The following CCDC191 variants were observed in gnomAD, a reference collection of about 807,000 sequenced individuals.
The protein encoded by CCDC191 is coiled-coil domain containing 191.
A neutral mutation model predicts 114.0 loss-of-function variants in CCDC191; 99 were observed. That is an observed-to-expected ratio of 0.87 (90% CI 0.74 to 1.03). CCDC191 has a LOEUF of 1.03. CCDC191 is among the 50% of genes least tolerant of loss of function. The pLI is 0.00. For synonymous variants in CCDC191, 351 were observed against 376.0 expected (o/e 0.93, Z 0.77); for missense variants, 973 against 1,087.0 (o/e 0.90, Z 1.47).
intron 9 of CCDC191, 121 bp from the exon 10 acceptor site, chr3:114,006,083 G>A (rs1032714526): frequency 1.1e-6 from 1 of 900,598 alleles, no homozygotes; most frequent in Admixed American, 2.0e-5. Context: ...GCAGGTAAAG[G>A]TGGTCTGTGC....
chr3:114,039,153 CT>C (rs2076527694), intron 4 of CCDC191, among the ~76,000 whole-genome samples: 1 of 151,882 alleles, frequency 6.6e-6, no homozygotes, highest in African/African-American at 2.4e-5. Context: ...AACTATGTTA[CT>C]GGTTTATGTA....
chr3:113,976,069 C>A (rs952855688), intron 16 of CCDC191, among the ~76,000 whole-genome samples: 2 of 151,500 alleles, frequency 1.3e-5, no homozygotes, highest in African/African-American at 4.8e-5. Flanking sequence ...TCAGCCTGGG[C>A]AGCATGGTAA....
chr3:114,018,877 G>A lies in CCDC191; in HGVS notation c.973-9C>T. 1 of 1,612,060 alleles carries A rather than the reference G, an allele frequency of 6.2e-7. No homozygotes were observed. Among genetic ancestry groups the A allele is most frequent in the Non-Finnish European group, 8.5e-7 (1 of 1,178,870 alleles). The stretch of plus-strand genomic sequence containing the variant: ...AAATACCGTTTTTGACACTGCAGCG[G>A]AAATATTAGGAAAATCACCACCCAT... On this transcript the variant is annotated splice_polypyrimidine_tract_variant and intron_variant, in intron 7 of 16. Transcript: ENST00000295878.
chr3:114,026,699 C>T (rs980093457), intron 7 of CCDC191, among the ~76,000 whole-genome samples: 1 of 152,138 alleles, frequency 6.6e-6, no homozygotes, highest in Admixed American at 6.5e-5. Flanking sequence ...CTCCAGGCTT[C>T]TTTTCCATAT....
intron 13 of CCDC191, among the ~76,000 whole-genome samples, chr3:113,981,577 T>C (rs574084208): frequency 1.3e-5 from 2 of 152,330 alleles, no homozygotes; most frequent in East Asian, 3.9e-4. Flanking sequence ...ACTGCTTTCA[T>C]AGTCGTCATC....
intron 1 of CCDC191, among the ~76,000 whole-genome samples, chr3:114,055,895 C>T (rs2076768145): frequency 6.6e-6 from 1 of 151,906 alleles, no homozygotes; most frequent in Non-Finnish European, 1.5e-5. Context: ...TATTCAATAT[C>T]CATTTGCACT....
At chr3:114,003,983 T>A in intron 11 of CCDC191, 3 of 985,406 alleles carry the variant, frequency 3.0e-6, no homozygotes, top group Non-Finnish European at 3.6e-6. Context: ...AAATAAGGGT[T>A]TCTGGCCAGG....
At chr3:114,023,557 G>C (rs1196853983) in intron 7 of CCDC191, among the ~76,000 whole-genome samples, 1 of 152,000 alleles carries the variant, frequency 6.6e-6, no homozygotes, top group African/African-American at 2.4e-5. Context: ...TGTGACATAT[G>C]TACAACTATC....
intron 7 of CCDC191, among the ~76,000 whole-genome samples, chr3:114,021,908 GT>G (rs2076249503): frequency 1.3e-5 from 2 of 152,064 alleles, no homozygotes; most frequent in South Asian, 2.1e-4. Context: ...TTTGTACCAT[GT>G]TTTTATTTCT....
At chr3:114,036,364 T>A (rs564794209) in intron 5 of CCDC191, among the ~76,000 whole-genome samples, 1 of 152,200 alleles carries the variant, frequency 6.6e-6, no homozygotes, top group Non-Finnish European at 1.5e-5. Flanking sequence ...GTCAATACTC[T>A]TGGTCAAAAT....
intron 13 of CCDC191, among the ~76,000 whole-genome samples, chr3:113,987,952 G>T (rs1339698198): frequency 6.6e-6 from 1 of 151,734 alleles, no homozygotes; most frequent in Non-Finnish European, 1.5e-5. Flanking sequence ...TGAGGCAGGA[G>T]AATTGCTTGA....
chr3:114,016,094 G>A (rs529095902), intron 8 of CCDC191, among the ~76,000 whole-genome samples: 26 of 152,354 alleles, frequency 1.7e-4, no homozygotes, highest in African/African-American at 5.1e-4. Context: ...AAACACACAC[G>A]TCAGCGAGGG....
intron 15 of CCDC191, chr3:113,978,561 C>T: frequency 1.7e-6 from 1 of 594,714 alleles, no homozygotes; most frequent in South Asian, 2.3e-5. Flanking sequence ...GGGTAAGTTT[C>T]TAAATCACTT....
rs147667339 is a variant in CCDC191, at chr3:113,998,934, G to A, written c.2163+2661C>T. ...AGTATAGCAATGGGCCCATGCTCAC[G>A]GAATTCACTGGCCTTACTATGTTCC... On this transcript the variant is annotated intron_variant, in intron 13 of 16. Transcript: ENST00000295878. Among the ~76,000 whole-genome samples, 639 of 152,276 alleles carry A rather than the reference G, an allele frequency of 4.2e-3. 8 individuals carry two copies. Among genetic ancestry groups the A allele is most frequent in the African/African-American group, 0.015 (611 of 41,538 alleles).
intron 13 of CCDC191, among the ~76,000 whole-genome samples, chr3:114,000,332 CT>C (rs2075830731): frequency 1.3e-5 from 2 of 152,162 alleles, no homozygotes; most frequent in Admixed American, 1.3e-4. Flanking sequence ...GGATATTGGT[CT>C]TCTCTTGCTC....
At chr3:114,053,531 T>C in intron 2 of CCDC191, 66 bp downstream of exon 2, 1 of 935,984 alleles carries the variant, frequency 1.1e-6, no homozygotes, top group Non-Finnish European at 1.6e-6. Flanking sequence ...CTATTCATAT[T>C]TCTTTTCCAT....
rs1371405939 is a variant in CCDC191, at chr3:114,046,639, A to G, written c.223T>C (p.Leu75=). Residue 75 remains leucine (L), a synonymous_variant, in exon 3 of 17, where the codon TTG becomes CTG. Coordinates refer to ENST00000295878, the MANE Select transcript of CCDC191 (RefSeq NM_020817.2). The stretch of plus-strand genomic sequence containing the variant: ...TCCTCTATTTGCTCAGATGTTTTCA[A>G]ATCTGTGATTTGGCCCCAGGGACTT... ...PRSPWGQITD[L]KTSEQIEDHD... 3.7e-6 allele frequency: 6 copies of G among 1,611,806 alleles called. No individual in the cohort carries two copies. Among genetic ancestry groups the G allele is most frequent in the Non-Finnish European group, 5.1e-6 (6 of 1,178,190 alleles).
At position 114,004,733 on chromosome 3, in the gene CCDC191, A is replaced by T; in HGVS notation, c.1882T>A (p.Ser628Thr). 1 of 1,609,756 alleles carries T rather than the reference A, an allele frequency of 6.2e-7. No individual in the cohort carries two copies. Among genetic ancestry groups the T allele is most frequent in the Non-Finnish European group, 8.5e-7 (1 of 1,178,464 alleles). ...CQMLVNSPVA[S>T]PGTEGRSDSR... Reference sequence around the variant, plus strand: ...TCACTTCTGCCTTCAGTCCCAGGGGAAGCAACAGGTGAACTAGGGAAAAAA... The same window carrying T: ...TCACTTCTGCCTTCAGTCCCAGGGGTAGCAACAGGTGAACTAGGGAAAAAA... Residue 628 changes from serine (S) to threonine (T), a missense_variant, in exon 11 of 17, where the codon TCC becomes ACC. By Grantham distance (58) the Ser-to-Thr change is moderately conservative. Transcript: ENST00000295878.
intron 10 of CCDC191, among the ~76,000 whole-genome samples, chr3:114,005,306 C>A (rs2075932613): frequency 6.6e-6 from 1 of 152,144 alleles, no homozygotes; most frequent in South Asian, 2.1e-4. Context: ...CAAATGCTAA[C>A]AGTATAACTG....
Sources: gnomAD v4.1 joint callset for allele counts (sites outside exome capture counted in the v4.1 genomes callset) on GRCh38, gnomAD v4.1.1 for gene constraint, MANE v1.5 for transcripts, NCBI Gene and HGNC (gene_info 2026-07-23, HGNC 2026-07-21) for gene names.